Variants in EHBP1 observed in about 807,000 individuals in gnomAD.
EHBP1 encodes EH domain-binding protein 1.
In EHBP1, 55 loss-of-function variants were observed where a neutral mutation model predicts 144.0. The observed-to-expected ratio is 0.38, with a 90% CI of 0.31 to 0.48. EHBP1 has a LOEUF of 0.48. Among genes scored for constraint, EHBP1 ranks in the 20% least tolerant of loss-of-function variants. EHBP1 has a pLI of 0.98. For synonymous variants in EHBP1, 469 were observed against 472.7 expected (o/e 0.99, Z 0.10); for missense variants, 1,200 against 1,364.2 (o/e 0.88, Z 1.90).
intron 10 of EHBP1, among the ~76,000 whole-genome samples, chr2:62,884,099 A>G (rs2051710783): frequency 6.6e-6 from 1 of 152,254 alleles, no homozygotes; most frequent in Non-Finnish European, 1.5e-5. Flanking sequence ...TCACATGTAT[A>G]TGCCTATGCA....
At position 62,707,299 on chromosome 2, in the gene EHBP1, A is replaced by G; in HGVS notation, c.104+4A>G. The G allele has an allele frequency of 6.2e-7, 1 of 1,609,602 alleles. No homozygotes were observed. Among genetic ancestry groups the G allele is most frequent in the Non-Finnish European group, 8.5e-7 (1 of 1,175,920 alleles). ...TGGTTGAGTGTACGAAGAAATGGTA[A>G]GATGTACCTGGAGGTAGATTTTGCT... On this transcript the variant is annotated splice_donor_region_variant and intron_variant, in intron 2 of 22. Transcript: ENST00000431489.
chr2:62,816,368 A>G (rs772339315), intron 5 of EHBP1, among the ~76,000 whole-genome samples: 3 of 152,210 alleles, frequency 2.0e-5, no homozygotes, highest in African/African-American at 7.2e-5. Context: ...TTATTTTTAA[A>G]TGAATGAAAT....
intron 6 of EHBP1, among the ~76,000 whole-genome samples, chr2:62,829,895 T>C (rs950011072): frequency 2.0e-5 from 3 of 150,572 alleles, no homozygotes; most frequent in African/African-American, 7.3e-5. Flanking sequence ...CTGGTGAGAA[T>C]GTAAACTGGT....
chr2:62,692,381 T>G (rs544667992), intron 1 of EHBP1, among the ~76,000 whole-genome samples: 1 of 152,368 alleles, frequency 6.6e-6, no homozygotes, highest in Non-Finnish European at 1.5e-5. Flanking sequence ...TCCACTTCTC[T>G]TTGGTATTTA....
intron 1 of EHBP1, among the ~76,000 whole-genome samples, chr2:62,688,006 G>T (rs2033775888): frequency 6.6e-6 from 1 of 152,194 alleles, no homozygotes; most frequent in South Asian, 2.1e-4. Flanking sequence ...TAGACAAGTA[G>T]ACTCTGGAAA....
At chr2:62,825,012 G>A (rs1022148890) in intron 5 of EHBP1, among the ~76,000 whole-genome samples, 8 of 151,946 alleles carry the variant, frequency 5.3e-5, no homozygotes, top group Non-Finnish European at 1.5e-5. Flanking sequence ...ATTTTATGGA[G>A]AAGGTTACTG....
intron 7 of EHBP1, among the ~76,000 whole-genome samples, chr2:62,835,700 G>A (rs2047171010): frequency 6.6e-6 from 1 of 152,222 alleles, no homozygotes; most frequent in Non-Finnish European, 1.5e-5. Flanking sequence ...GGGTCAGGGA[G>A]TTCCCTTTCC....
Position 62,935,223 on chromosome 2 carries a change from G to A in EHBP1, c.1186-7495G>A, listed in dbSNP as rs564007245. ...GTGCACCTATAGTCCCAGCTACTCG[G>A]GAGGCTGAGGCAGGAGAATCCGGTG... On this transcript the variant is annotated intron_variant, in intron 10 of 22. Transcript: ENST00000431489. Among the ~76,000 whole-genome samples the A allele has an allele frequency of 1.1e-4, 16 of 151,540 alleles. 1 individual carries two copies. The South Asian group carries it at 3.3e-3, about 32-fold the overall frequency.
chr2:62,874,282 T>C (rs2050708920), intron 9 of EHBP1, 64 bp from the exon 10 acceptor site: 3 of 1,296,944 alleles, frequency 2.3e-6, no homozygotes, highest in Non-Finnish European at 3.1e-6. Flanking sequence ...GCATGTTTTA[T>C]TATTTTACTT....
intron 2 of EHBP1, among the ~76,000 whole-genome samples, chr2:62,743,714 T>C (rs1167089330): frequency 1.3e-5 from 2 of 152,160 alleles, no homozygotes; most frequent in African/African-American, 4.8e-5. Flanking sequence ...AATGTTTTTC[T>C]TTAAACTTAG....
intron 5 of EHBP1, among the ~76,000 whole-genome samples, chr2:62,774,586 A>G (rs947423734): frequency 1.3e-5 from 2 of 152,144 alleles, no homozygotes; most frequent in African/African-American, 4.8e-5. Flanking sequence ...AGCGTGTATT[A>G]TGTGCTAGAT....
intron 1 of EHBP1, among the ~76,000 whole-genome samples, chr2:62,682,957 C>T (rs1043444715): frequency 6.6e-6 from 1 of 151,760 alleles, no homozygotes; most frequent in Admixed American, 6.6e-5. Flanking sequence ...ATACGTTAAG[C>T]AAGAGGTAGA....
chr2:62,758,819 A>G (rs1166571461), intron 3 of EHBP1, among the ~76,000 whole-genome samples: 2 of 152,222 alleles, frequency 1.3e-5, no homozygotes, highest in Non-Finnish European at 2.9e-5. Flanking sequence ...GAGTACAGCT[A>G]GCTGCAGAGC....
chr2:62,719,794 T>TTA (rs1176471326), intron 2 of EHBP1, among the ~76,000 whole-genome samples: 9 of 152,204 alleles, frequency 5.9e-5, no homozygotes, highest in Non-Finnish European at 1.0e-4. Flanking sequence ...TGTCCATAGG[T>TTA]TATATGCAAA....
Position 62,764,345 on chromosome 2 carries a change from C to T in EHBP1, c.242C>T (p.Thr81Ile), listed in dbSNP as rs1170720995. Residue 81 changes from threonine to isoleucine, a missense_variant, in exon 4 of 23, where the codon ACT (threonine) becomes ATT (isoleucine). Physicochemically the swap from Thr to Ile is moderately conservative, Grantham distance 89. This residue lies in a region of EHBP1 where 137 missense variants were observed against 190.1 expected (regional missense o/e 0.72). Coordinates refer to ENST00000431489, the MANE Select transcript of EHBP1 (RefSeq NM_001142616.3). The part of the protein sequence containing the change: ...VWPVPENIEI[T>I]VTLFKDPHAE... ...CCTGTTCCTGAAAACATTGAAATCA[C>T]TGTAACACTTTTTAAGGTAAGTTCC... is the stretch of plus-strand genomic sequence containing the variant. 2 of 1,576,320 alleles carry T rather than the reference C, an allele frequency of 1.3e-6. No individual in the cohort carries two copies. Among genetic ancestry groups the T allele is most frequent in the Non-Finnish European group, 1.7e-6 (2 of 1,165,562 alleles).
At chr2:62,905,132 A>G (rs2053694910) in intron 10 of EHBP1, among the ~76,000 whole-genome samples, 1 of 152,194 alleles carries the variant, frequency 6.6e-6, no homozygotes, top group Non-Finnish European at 1.5e-5. Flanking sequence ...ATGGGGAAAG[A>G]GCTTCCCTAA....
chr2:62,703,969 GT>G (rs918336267), upstream of EHBP1, among the ~76,000 whole-genome samples: 1 of 152,162 alleles, frequency 6.6e-6, no homozygotes, highest in African/African-American at 2.4e-5. Context: ...CATGTGGATT[GT>G]TTCTGAAGGG....
At chr2:62,965,039 T>C (rs2153150603) in intron 14 of EHBP1, 1 of 152,722 alleles carries the variant, frequency 6.5e-6, no homozygotes, top group South Asian at 2.1e-4. Flanking sequence ...AAATACCAGG[T>C]GAGCTTCCTT....
intron 7 of EHBP1, among the ~76,000 whole-genome samples, chr2:62,844,847 A>T (rs1202931009): frequency 1.3e-5 from 2 of 152,186 alleles, no homozygotes; most frequent in African/African-American, 4.8e-5. Flanking sequence ...CTGGACATTC[A>T]GATTCATTCG....
Sources: gnomAD v4.1 joint callset for allele counts (sites outside exome capture counted in the v4.1 genomes callset) on GRCh38, gnomAD v4.1.1 for gene constraint, gnomAD v4.1.1 regional missense constraint, MANE v1.5 for transcripts, NCBI Gene and HGNC (gene_info 2026-07-23, HGNC 2026-07-21) for gene names.